LYPLA1: variants seen among roughly 807,000 people sequenced by gnomAD.
LYPLA1 encodes lysophospholipase 1, also known as acyl-protein thioesterase 1.
Under a neutral mutation model 34.0 loss-of-function variants are expected in LYPLA1, and 17 were observed. That is an observed-to-expected ratio of 0.50 (90% CI 0.34 to 0.75). LYPLA1 has a LOEUF of 0.75. Among genes scored for constraint, LYPLA1 ranks in the 30% least tolerant of loss-of-function variants. The pLI, the probability that LYPLA1 is intolerant of heterozygous loss-of-function variation, is 0.01. For synonymous variants in LYPLA1, 98 were observed against 100.8 expected, an observed-to-expected ratio of 0.97 and a Z score of 0.17; for missense variants, 203 against 288.8, an observed-to-expected ratio of 0.70 and a Z score of 2.15.
At chr8:54,045,801 C>CACTTA (rs1410485720), downstream of LYPLA1, among the ~76,000 whole-genome samples, 1 of 152,238 alleles carries the variant, frequency 6.6e-6, no homozygotes, top group Non-Finnish European at 1.5e-5. Flanking sequence ...TGGCTCACGC[C>CACTTA]TATAATCCCA....
rs1408589361 is a variant in LYPLA1 at position 54,051,205 on chromosome 8, A to C, written c.463-17T>G. On this transcript the variant is annotated splice_polypyrimidine_tract_variant and intron_variant, in intron 7 of 8. Coordinates refer to ENST00000316963, the MANE Select transcript of LYPLA1 (RefSeq NM_006330.4). ...GATAGGACCCTGCAAAAAGCAAAAGAAGAAATAGTTTTATTTTTGTAAAAG... is the reference window on the plus strand; with the variant it reads ...GATAGGACCCTGCAAAAAGCAAAAGCAGAAATAGTTTTATTTTTGTAAAAG... 4.4e-6 allele frequency: 7 copies of C among 1,577,324 alleles called. No homozygotes were observed. Among genetic ancestry groups the C allele is most frequent in the African/African-American group, 1.4e-5 (1 of 73,054 alleles).
At chr8:54,046,148 A>G (rs1442407661), downstream of LYPLA1, among the ~76,000 whole-genome samples, 1 of 152,218 alleles carries the variant, frequency 6.6e-6, no homozygotes, top group African/African-American at 2.4e-5. Flanking sequence ...AAATAGGTAG[A>G]AACATTGAAA....
chr8:54,097,284 A>G (rs946435026), intron 2 of LYPLA1, among the ~76,000 whole-genome samples: 8 of 152,238 alleles, frequency 5.3e-5, no homozygotes, highest in Admixed American at 2.6e-4. Context: ...TATTGTTTAC[A>G]TGGTATTTAT....
At chr8:54,094,019 A>T (rs554133606) in intron 2 of LYPLA1, among the ~76,000 whole-genome samples, 1 of 152,372 alleles carries the variant, frequency 6.6e-6, no homozygotes, top group African/African-American at 2.4e-5. Flanking sequence ...TTACAGGAAG[A>T]CTTGCAAACT....
At chr8:54,055,785 G>A (rs1408731989) in intron 5 of LYPLA1, among the ~76,000 whole-genome samples, 5 of 151,662 alleles carry the variant, frequency 3.3e-5, no homozygotes, top group South Asian at 4.2e-4. Flanking sequence ...CTGGGACTAC[G>A]GGTGCCCACC....
chr8:54,097,414 G>A (rs1809772544), intron 2 of LYPLA1, among the ~76,000 whole-genome samples: 1 of 152,166 alleles, frequency 6.6e-6, no homozygotes, highest in Non-Finnish European at 1.5e-5. Flanking sequence ...CTAGGGAATT[G>A]TTCCAGATTA....
intron 2 of LYPLA1, among the ~76,000 whole-genome samples, chr8:54,067,788 C>A (rs576174861): frequency 6.6e-6 from 1 of 151,590 alleles, no homozygotes; most frequent in Admixed American, 6.6e-5. Context: ...CCCCACCTCC[C>A]GGGCTCACAC....
At chr8:54,088,125 C>G (rs1296497400) in intron 2 of LYPLA1, among the ~76,000 whole-genome samples, 2 of 152,230 alleles carry the variant, frequency 1.3e-5, no homozygotes, top group Non-Finnish European at 2.9e-5. Flanking sequence ...TGACCTAATG[C>G]TTGCTTGGAC....
intron 2 of LYPLA1, among the ~76,000 whole-genome samples, chr8:54,095,292 C>T (rs954332487): frequency 1.3e-5 from 2 of 151,982 alleles, no homozygotes; most frequent in East Asian, 1.9e-4. Flanking sequence ...CCACTGCACC[C>T]GGCCAGAACA....
chr8:54,095,690 A>G (rs1161875772), intron 2 of LYPLA1, among the ~76,000 whole-genome samples: 2 of 152,110 alleles, frequency 1.3e-5, no homozygotes, highest in Non-Finnish European at 2.9e-5. Context: ...AAAGGTATAA[A>G]TCACAAAACA....
chr8:54,074,812 T>C (rs1278333380), intron 2 of LYPLA1, among the ~76,000 whole-genome samples: 1 of 152,226 alleles, frequency 6.6e-6, no homozygotes, highest in Non-Finnish European at 1.5e-5. Flanking sequence ...GAGACTAGCT[T>C]ATGTACATGT....
chr8:54,100,901 T>G lies in LYPLA1; in HGVS notation c.101+7A>C. 3 of 1,606,606 alleles carry G rather than the reference T, an allele frequency of 1.9e-6. No homozygotes were observed. The South Asian group carries it at 3.3e-5, about 18-fold the overall frequency. On this transcript the variant is annotated splice_region_variant and intron_variant, in intron 2 of 8. Transcript: ENST00000316963. ...TTACTGTTACTATTAATAATAATGG[T>G]ACCTACCCAGTATCTCCCAATCCAT...
intron 2 of LYPLA1, among the ~76,000 whole-genome samples, chr8:54,092,056 T>G (rs1563664774): frequency 6.9e-6 from 1 of 145,520 alleles, no homozygotes. Context: ...GGCAACAGAG[T>G]GAGAGACCCT....
At chr8:54,082,439 T>C (rs1271422666) in intron 2 of LYPLA1, among the ~76,000 whole-genome samples, 2 of 151,918 alleles carry the variant, frequency 1.3e-5, no homozygotes, top group Non-Finnish European at 2.9e-5. Flanking sequence ...ATTAACAGCT[T>C]AGCTCCTATT....
chr8:54,082,555 G>C (rs1808398951), intron 2 of LYPLA1, among the ~76,000 whole-genome samples: 1 of 152,170 alleles, frequency 6.6e-6, no homozygotes, highest in Non-Finnish European at 1.5e-5. Flanking sequence ...CTGGCCTCAA[G>C]TGATCCTCCT....
intron 2 of LYPLA1, among the ~76,000 whole-genome samples, chr8:54,068,581 A>C (rs1334081541): frequency 1.3e-5 from 2 of 152,222 alleles, no homozygotes; most frequent in Non-Finnish European, 2.9e-5. Context: ...TTCTGAAACA[A>C]ATCAACAGGG....
intron 5 of LYPLA1, among the ~76,000 whole-genome samples, chr8:54,056,936 G>A (rs941431784): frequency 4.0e-5 from 6 of 151,844 alleles, no homozygotes; most frequent in Admixed American, 6.6e-5. Context: ...CAAAAAAAAC[G>A]GGCCAAAGAT....
intron 5 of LYPLA1, among the ~76,000 whole-genome samples, chr8:54,055,645 A>T (rs942221550): frequency 1.5e-4 from 21 of 142,244 alleles, no homozygotes; most frequent in African/African-American, 2.3e-4. Flanking sequence ...AATCCTAATT[A>T]TTTTTTTTTT....
At chr8:54,053,020 G>C (rs776774981) in intron 6 of LYPLA1, 2 of 367,616 alleles carry the variant, frequency 5.4e-6, no homozygotes, top group Non-Finnish European at 9.8e-6. Flanking sequence ...CATGCCTTAC[G>C]AATATTCTGA....
Sources: allele counts gnomAD v4.1 joint callset (sites outside exome capture counted in the v4.1 genomes callset), GRCh38; gene constraint gnomAD v4.1.1; transcripts MANE v1.5; gene names NCBI Gene and HGNC (gene_info 2026-07-23, HGNC 2026-07-21).